The following RALGPS2 variants were observed in gnomAD, a reference collection of about 807,000 sequenced individuals.
The protein encoded by RALGPS2 is Ral GEF with PH domain and SH3 binding motif 2, also known as ras-specific guanine nucleotide-releasing factor RalGPS2.
In RALGPS2, 43 loss-of-function variants were observed where a neutral mutation model predicts 86.8. The observed-to-expected ratio is 0.50, with a 90% CI of 0.39 to 0.64. The LOEUF (loss-of-function observed/expected upper bound fraction) is 0.64. Ranked by LOEUF, RALGPS2 falls within the 30% of genes least tolerant of loss-of-function variation. The pLI is 0.00. For synonymous variants in RALGPS2, 243 were observed against 231.3 expected (o/e 1.05, Z -0.46); for missense variants, 536 against 694.6 (o/e 0.77, Z 2.57).
chr1:178,806,120 C>T (rs914818901), intron 4 of RALGPS2, among the ~76,000 whole-genome samples: 1 of 151,760 alleles, frequency 6.6e-6, no homozygotes, highest in African/African-American at 2.4e-5. Context: ...TTTCAGTTTC[C>T]TGGGTCTCAT....
At chr1:178,787,258 A>G (rs1035446440) in intron 4 of RALGPS2, among the ~76,000 whole-genome samples, 1 of 152,252 alleles carries the variant, frequency 6.6e-6, no homozygotes, top group African/African-American at 2.4e-5. Context: ...ATGAACTGCA[A>G]CAGTTGTATT....
intron 14 of RALGPS2, 147 bp downstream of exon 14, chr1:178,889,843 A>G (rs1393130319): frequency 1.9e-6 from 1 of 531,100 alleles, no homozygotes. Flanking sequence ...TTGATATTTA[A>G]GTTTGGATAT....
At chr1:178,811,543 T>G (rs998687480) in intron 6 of RALGPS2, 139 bp downstream of exon 6, 2 of 589,170 alleles carry the variant, frequency 3.4e-6, no homozygotes, top group Admixed American at 3.7e-5. Context: ...ATTTTTAAAA[T>G]TGGATGCCTA....
chr1:178,773,003 A>G (rs1195709600), intron 1 of RALGPS2, among the ~76,000 whole-genome samples: 1 of 152,108 alleles, frequency 6.6e-6, no homozygotes, highest in Non-Finnish European at 1.5e-5. Flanking sequence ...GGGTTTCACC[A>G]TGTTGGCCGG....
At chr1:178,859,827 C>G (rs1392703652) in intron 8 of RALGPS2, among the ~76,000 whole-genome samples, 5 of 89,344 alleles carry the variant, frequency 5.6e-5, no homozygotes, top group Admixed American at 9.7e-5. Flanking sequence ...CCCGCCCCCC[C>G]CCCCCCAACC....
chr1:178,843,664 A>AAAG (rs1482659341), intron 8 of RALGPS2, among the ~76,000 whole-genome samples: 1 of 151,914 alleles, frequency 6.6e-6, no homozygotes, highest in Non-Finnish European at 1.5e-5. Context: ...TAAAAAAAAA[A>AAAG]AAAGAAAGAA....
rs1218808039 is a variant in RALGPS2 at position 178,920,904 on chromosome 1, G to A, written c.*4545G>A. Reference sequence around the variant, plus strand: ...AAACAAACAAGTAGTCACTTAACCTGCCAGTTATTATTTTCTTGAAAATAT... The same window carrying A: ...AAACAAACAAGTAGTCACTTAACCTACCAGTTATTATTTTCTTGAAAATAT... On this transcript the variant is annotated 3_prime_UTR_variant, in exon 20 of 20. Transcript: ENST00000367635. 3 of 151,828 alleles carry A rather than the reference G, an allele frequency of 2.0e-5. No individual in the cohort carries two copies. The highest frequency in any genetic ancestry group is 2.9e-5 in the Non-Finnish European group (2 of 67,878). The allele number at this position is 151,828 out of a possible 1,614,324, so 9.4% of individuals were successfully genotyped here. A position where few individuals can be genotyped will look rare whatever the true frequency, so the allele number is the denominator to read the frequency against.
chr1:178,850,094 C>T (rs650651), intron 8 of RALGPS2: 15 of 152,644 alleles, frequency 9.8e-5, no homozygotes, highest in Non-Finnish European at 1.5e-4. Context: ...CTAAGCTATG[C>T]CCCTGTGGCT....
chr1:178,744,444 A>C (rs1232896938), intron 1 of RALGPS2, among the ~76,000 whole-genome samples: 2 of 152,200 alleles, frequency 1.3e-5, no homozygotes, highest in African/African-American at 4.8e-5. Flanking sequence ...ACCAGCAACA[A>C]AACAAAGATG....
At chr1:178,874,553 C>A (rs994129279) in intron 8 of RALGPS2, among the ~76,000 whole-genome samples, 1 of 152,158 alleles carries the variant, frequency 6.6e-6, no homozygotes, top group African/African-American at 2.4e-5. Flanking sequence ...TTTCTCTGAT[C>A]CCATCAGCAA....
At chr1:178,733,937 T>C (rs952994961) in intron 1 of RALGPS2, among the ~76,000 whole-genome samples, 2 of 152,246 alleles carry the variant, frequency 1.3e-5, no homozygotes, top group African/African-American at 2.4e-5. Context: ...GAAAAGACAA[T>C]ACACAGAATT....
intron 8 of RALGPS2, among the ~76,000 whole-genome samples, chr1:178,876,113 A>G (rs1253963438): frequency 1.3e-5 from 2 of 152,226 alleles, no homozygotes; most frequent in Non-Finnish European, 2.9e-5. Context: ...TTTTATGTTA[A>G]GCACCTATTG....
chr1:178,811,288 A>G (rs1654964318), intron 5 of RALGPS2, 27 bp from the exon 6 acceptor site: 1 of 1,469,032 alleles, frequency 6.8e-7, no homozygotes, highest in Non-Finnish European at 9.2e-7. Context: ...AATCATAGTG[A>G]TATTTATTTA....
At position 178,829,184 on chromosome 1, in the gene RALGPS2, A is replaced by G. The variant is rs1655897689; in HGVS notation, c.481-4240A>G. ...CAAATGCTACTGCACAATTTCACTTATCTGTGAAATCTTACCAGGCTGAAC... is the reference window on the plus strand; with the variant it reads ...CAAATGCTACTGCACAATTTCACTTGTCTGTGAAATCTTACCAGGCTGAAC... On this transcript the variant is annotated intron_variant, in intron 7 of 19. Transcript: ENST00000367635. Among the ~76,000 whole-genome samples, 12 of 152,252 alleles carry G rather than the reference A, an allele frequency of 7.9e-5. 1 individual carries two copies. Among genetic ancestry groups the G allele is most frequent in the Admixed American group, 7.9e-4 (12 of 15,286 alleles).
chr1:178,802,119 A>G (rs1654506292), intron 4 of RALGPS2, among the ~76,000 whole-genome samples: 1 of 152,028 alleles, frequency 6.6e-6, no homozygotes, highest in Non-Finnish European at 1.5e-5. Context: ...TCAACTACTC[A>G]TAGCCTACCA....
intron 11 of RALGPS2, among the ~76,000 whole-genome samples, 195 bp downstream of exon 11, chr1:178,883,728 G>A (rs1369860372): frequency 1.3e-5 from 2 of 152,168 alleles, no homozygotes; most frequent in African/African-American, 4.8e-5. Context: ...GCTCACGCCT[G>A]TAATCCCAGC....
At chr1:178,755,077 G>A (rs1298842587) in intron 1 of RALGPS2, among the ~76,000 whole-genome samples, 3 of 152,210 alleles carry the variant, frequency 2.0e-5, no homozygotes, top group Non-Finnish European at 4.4e-5. Context: ...TGAGATTACA[G>A]GCATGAGCCA....
chr1:178,798,940 CA>C (rs2102165353), intron 4 of RALGPS2, among the ~76,000 whole-genome samples: 1 of 152,264 alleles, frequency 6.6e-6, no homozygotes, highest in East Asian at 1.9e-4. Context: ...GTCAGGATAA[CA>C]GGAGAAGCAG....
chr1:178,753,622 A>G (rs1438272813), intron 1 of RALGPS2: 1 of 152,162 alleles, frequency 6.6e-6, no homozygotes, highest in East Asian at 1.9e-4. Flanking sequence ...TTTATGTTGT[A>G]GCGTAATGTT....
Sources: allele counts gnomAD v4.1 joint callset (sites outside exome capture counted in the v4.1 genomes callset), GRCh38; gene constraint gnomAD v4.1.1; transcripts MANE v1.5; gene names NCBI Gene and HGNC (gene_info 2026-07-23, HGNC 2026-07-21).